MARCHF1: variants seen among roughly 807,000 people sequenced by gnomAD.
The protein encoded by MARCHF1 is E3 ubiquitin-protein ligase MARCHF1.
A neutral mutation model predicts 54.2 loss-of-function variants in MARCHF1; 40 were observed. That is an observed-to-expected ratio of 0.74 (90% CI 0.57 to 0.96). The LOEUF is 0.96. MARCHF1 is among the 40% of genes least tolerant of loss of function. The pLI, the probability that MARCHF1 is intolerant of heterozygous loss-of-function variation, is 0.00. For missense variants in MARCHF1, 586 were observed against 656.5 expected (o/e 0.89, Z 1.17); for synonymous variants, 236 against 236.3 (o/e 1.00, Z 0.01).
chr4:164,348,470 A>C (rs1364412116), intron 1 of MARCHF1, among the ~76,000 whole-genome samples: 2 of 152,154 alleles, frequency 1.3e-5, no homozygotes, highest in Non-Finnish European at 2.9e-5. Context: ...GGAAGTGCCA[A>C]AGACATAGAT....
chr4:164,225,049 T>C (rs1388119814), intron 1 of MARCHF1, among the ~76,000 whole-genome samples: 1 of 152,042 alleles, frequency 6.6e-6, no homozygotes, highest in Non-Finnish European at 1.5e-5. Flanking sequence ...CCCTAACAGA[T>C]GTCATTGCTT....
chr4:163,813,122 CTG>C (rs1273064387), intron 4 of MARCHF1, among the ~76,000 whole-genome samples: 2 of 152,210 alleles, frequency 1.3e-5, no homozygotes, highest in Non-Finnish European at 2.9e-5. Flanking sequence ...GTCTTGAACA[CTG>C]TGAAGCTGAT....
chr4:163,733,209 A>ACACACATG (rs1326898710), intron 4 of MARCHF1, among the ~76,000 whole-genome samples: 2 of 35,744 alleles, frequency 5.6e-5, no homozygotes, highest in African/African-American at 1.4e-4. Context: ...ATATATATAT[A>ACACACATG]TATATATATA....
chr4:163,570,908 C>T (rs903132150), intron 8 of MARCHF1, among the ~76,000 whole-genome samples: 2 of 152,044 alleles, frequency 1.3e-5, no homozygotes, highest in Non-Finnish European at 2.9e-5. Context: ...CATCATAAAA[C>T]AAGATCTCTT....
intron 1 of MARCHF1, among the ~76,000 whole-genome samples, chr4:164,146,885 C>T (rs963551815): frequency 3.3e-5 from 5 of 150,260 alleles, no homozygotes; most frequent in African/African-American, 4.9e-5. Flanking sequence ...AGTGAACAGG[C>T]AACCTACAAA....
intron 2 of MARCHF1, among the ~76,000 whole-genome samples, chr4:163,993,199 T>C (rs540829375): frequency 6.6e-6 from 1 of 151,402 alleles, no homozygotes; most frequent in Non-Finnish European, 1.5e-5. Flanking sequence ...TGAGAGGGAG[T>C]ATAAAACGGA....
At chr4:164,176,976 C>CTATATATATA (rs1279533259) in intron 1 of MARCHF1, among the ~76,000 whole-genome samples, 3 of 32,862 alleles carry the variant, frequency 9.1e-5, no homozygotes, top group Admixed American at 3.6e-4. Context: ...CTCTCTCTCT[C>CTATATATATA]TCTCTATATA....
intron 1 of MARCHF1, among the ~76,000 whole-genome samples, chr4:164,303,309 A>G (rs1021854078): frequency 2.0e-5 from 3 of 152,218 alleles, no homozygotes; most frequent in African/African-American, 7.2e-5. Context: ...TAAAGGCAAG[A>G]AAATTGATTT....
At chr4:164,028,695 A>G (rs1483287082) in intron 2 of MARCHF1, among the ~76,000 whole-genome samples, 3 of 152,164 alleles carry the variant, frequency 2.0e-5, no homozygotes, top group Non-Finnish European at 4.4e-5. Context: ...CCATGTAACA[A>G]ACTTGCACAG....
intron 1 of MARCHF1, among the ~76,000 whole-genome samples, chr4:164,242,000 G>T (rs193018968): frequency 2.6e-4 from 40 of 152,326 alleles, no homozygotes; most frequent in African/African-American, 9.1e-4. Context: ...CTCACTGATT[G>T]CTAGCACGGC....
chr4:163,783,421 G>T (rs1482663877), intron 4 of MARCHF1, among the ~76,000 whole-genome samples: 1 of 152,154 alleles, frequency 6.6e-6, no homozygotes, highest in Non-Finnish European at 1.5e-5. Flanking sequence ...GCCGAGTTTA[G>T]GTAGCTTCCA....
At chr4:163,754,804 G>A (rs1294560079) in intron 4 of MARCHF1, among the ~76,000 whole-genome samples, 1 of 151,944 alleles carries the variant, frequency 6.6e-6, no homozygotes, top group Non-Finnish European at 1.5e-5. Flanking sequence ...ATTGAGATTA[G>A]GTTTTAATAA....
intron 4 of MARCHF1, among the ~76,000 whole-genome samples, chr4:163,814,283 G>T (rs561931070): frequency 2.1e-4 from 32 of 152,228 alleles, no homozygotes; most frequent in Admixed American, 1.4e-3. Context: ...TCCATACTCA[G>T]GTTGGTCCCC....
At chr4:164,263,230 GAC>G (rs1486073886) in intron 1 of MARCHF1, among the ~76,000 whole-genome samples, 2 of 151,908 alleles carry the variant, frequency 1.3e-5, no homozygotes, top group Non-Finnish European at 2.9e-5. Flanking sequence ...AGGTAAAAAA[GAC>G]ACACACTTAG....
At chr4:164,317,834 G>A (rs1372385035) in intron 1 of MARCHF1, among the ~76,000 whole-genome samples, 1 of 152,162 alleles carries the variant, frequency 6.6e-6, no homozygotes, top group African/African-American at 2.4e-5. Flanking sequence ...TGTACAGGCT[G>A]AGGGCCTACT....
chr4:164,342,547 T>G (rs1302482049), intron 1 of MARCHF1, among the ~76,000 whole-genome samples: 1 of 151,070 alleles, frequency 6.6e-6, no homozygotes, highest in Admixed American at 6.6e-5. Context: ...AAAAAAATAT[T>G]TAATAGGTTA....
At chr4:164,272,575 T>C (rs1166854420) in intron 1 of MARCHF1, among the ~76,000 whole-genome samples, 3 of 151,746 alleles carry the variant, frequency 2.0e-5, no homozygotes, top group Admixed American at 6.6e-5. Context: ...AATAAAGAAA[T>C]GTATTTAGAA....
chr4:163,994,351 C>G (rs965647430), intron 2 of MARCHF1, among the ~76,000 whole-genome samples: 2 of 150,026 alleles, frequency 1.3e-5, no homozygotes, highest in Non-Finnish European at 3.0e-5. Flanking sequence ...AGGCTCCTTC[C>G]CCTTCCATAT....
At chr4:164,144,050 A>C (rs1379539345) in intron 1 of MARCHF1, among the ~76,000 whole-genome samples, 1 of 152,212 alleles carries the variant, frequency 6.6e-6, no homozygotes, top group Admixed American at 6.5e-5. Context: ...GCTTTAAACC[A>C]ACAAAGATCA....
Sources: allele counts gnomAD v4.1 joint callset (sites outside exome capture counted in the v4.1 genomes callset), GRCh38; gene constraint gnomAD v4.1.1; transcripts MANE v1.5; gene names NCBI Gene and HGNC (gene_info 2026-07-23, HGNC 2026-07-21).